The following NEGR1 variants were observed in gnomAD, a reference collection of about 807,000 sequenced individuals.
The protein encoded by NEGR1 is neuronal growth regulator 1.
In NEGR1, 10 loss-of-function variants were observed where a neutral mutation model predicts 40.9. The ratio of observed to expected loss-of-function variants is 0.24; its 90% CI spans 0.15 to 0.42. The LOEUF (loss-of-function observed/expected upper bound fraction) is 0.42. Ranked by LOEUF, NEGR1 falls within the 10% of genes least tolerant of loss-of-function variation. The pLI, the probability that NEGR1 is intolerant of heterozygous loss-of-function variation, is 1.00. For missense variants in NEGR1, 352 were observed against 438.9 expected, an observed-to-expected ratio of 0.80 and a Z score of 1.77; for synonymous variants, 185 against 166.8, an observed-to-expected ratio of 1.11 and a Z score of -0.84.
At chr1:71,481,777 CT>C (rs1176358167) in intron 6 of NEGR1, among the ~76,000 whole-genome samples, 1 of 151,744 alleles carries the variant, frequency 6.6e-6, no homozygotes, top group Non-Finnish European at 1.5e-5. Context: ...AAAATATGAA[CT>C]TTTAGTTTAG....
chr1:72,058,616 T>A (rs1482343703), intron 1 of NEGR1, among the ~76,000 whole-genome samples: 1 of 151,700 alleles, frequency 6.6e-6, no homozygotes, highest in Admixed American at 6.6e-5. Context: ...ATTATCTTGA[T>A]GAGCTAGGCA....
chr1:72,009,489 GT>G (rs201622280), intron 1 of NEGR1, among the ~76,000 whole-genome samples: 2 of 151,480 alleles, frequency 1.3e-5, no homozygotes, highest in South Asian at 2.1e-4. Context: ...AATGCAGAGG[GT>G]TTTTTTTATA....
At chr1:71,774,255 C>T (rs115015722) in intron 3 of NEGR1, among the ~76,000 whole-genome samples, 1 of 152,198 alleles carries the variant, frequency 6.6e-6, no homozygotes, top group African/African-American at 2.4e-5. Flanking sequence ...CTTAAGAGCA[C>T]ATGTGTATAA....
chr1:71,862,563 C>A (rs1557680734), intron 2 of NEGR1, among the ~76,000 whole-genome samples: 1 of 152,002 alleles, frequency 6.6e-6, no homozygotes, highest in African/African-American at 2.4e-5. Context: ...TGGTGGCTTT[C>A]CTCTCCATTC....
intron 1 of NEGR1, among the ~76,000 whole-genome samples, chr1:72,186,160 G>A (rs1652604872): frequency 6.6e-6 from 1 of 151,582 alleles, no homozygotes; most frequent in Non-Finnish European, 1.5e-5. Context: ...TATGTAACTT[G>A]GAAAATATCA....
At chr1:71,525,512 A>G (rs1248699908) in intron 6 of NEGR1, among the ~76,000 whole-genome samples, 1 of 151,720 alleles carries the variant, frequency 6.6e-6, no homozygotes, top group East Asian at 1.9e-4. Flanking sequence ...TCCTCCTCAC[A>G]TTAACTCACT....
intron 1 of NEGR1, among the ~76,000 whole-genome samples, chr1:72,177,631 A>T (rs943370428): frequency 6.6e-6 from 1 of 152,076 alleles, no homozygotes; most frequent in African/African-American, 2.4e-5. Context: ...ATAAAACATT[A>T]ATATTCTGAC....
chr1:71,928,926 G>C (rs898270308), intron 2 of NEGR1, among the ~76,000 whole-genome samples: 2 of 152,064 alleles, frequency 1.3e-5, no homozygotes, highest in African/African-American at 2.4e-5. Flanking sequence ...TAATGTAAAT[G>C]GGGTAAGTAA....
intron 4 of NEGR1, among the ~76,000 whole-genome samples, chr1:71,612,863 G>A (rs78467000): frequency 1.3e-5 from 2 of 152,210 alleles, no homozygotes; most frequent in South Asian, 2.1e-4. Context: ...TGGTGTGGCC[G>A]ACACAAAGAG....
At chr1:71,477,692 G>A (rs945116325) in intron 6 of NEGR1, among the ~76,000 whole-genome samples, 1 of 151,890 alleles carries the variant, frequency 6.6e-6, no homozygotes, top group African/African-American at 2.4e-5. Flanking sequence ...AGAAAGAGTG[G>A]GTTTGTAGAA....
rs144334399 is a variant in NEGR1 at position 72,276,341 on chromosome 1, C to A, written c.176+5978G>T. On this transcript the variant is annotated intron_variant, in intron 1 of 6. Coordinates refer to ENST00000357731, the MANE Select transcript of NEGR1 (RefSeq NM_173808.3). ...GATGTTACTCTATATAAAGAAAGAT[C>A]TTTAATTTTTATTAAATTCAATAGG... Among the ~76,000 whole-genome samples the A allele has an allele frequency of 2.6e-5, 4 of 152,090 alleles. No individual in the cohort carries two copies. In the East Asian group the frequency reaches 5.8e-4, roughly 22 times the overall value.
At position 71,915,564 on chromosome 1, in the gene NEGR1, T is replaced by C. The variant is rs187110559; in HGVS notation, c.409+19515A>G. On this transcript the variant is annotated intron_variant, in intron 2 of 6. Coordinates refer to ENST00000357731, the MANE Select transcript of NEGR1 (RefSeq NM_173808.3). Reference sequence around the variant, plus strand: ...TCTTAACACATTTCATTTCTTAATTTTGAAGGAAATTCTATAATGTGGGTT... The same window carrying C: ...TCTTAACACATTTCATTTCTTAATTCTGAAGGAAATTCTATAATGTGGGTT... Among the ~76,000 whole-genome samples the C allele has an allele frequency of 9.9e-5, 15 of 152,244 alleles. No individual in the cohort carries two copies. In the East Asian group the frequency reaches 2.9e-3, roughly 29 times the overall value.
intron 6 of NEGR1, among the ~76,000 whole-genome samples, chr1:71,571,623 C>A (rs1005403184): frequency 6.6e-6 from 1 of 151,962 alleles, no homozygotes; most frequent in Non-Finnish European, 1.5e-5. Context: ...AACCACGTCT[C>A]TACCAAAAAT....
At chr1:71,455,912 T>C (rs1423748717) in intron 6 of NEGR1, among the ~76,000 whole-genome samples, 1 of 152,252 alleles carries the variant, frequency 6.6e-6, no homozygotes, top group Non-Finnish European at 1.5e-5. Context: ...AGTGTATGTT[T>C]CACTGCAATA....
intron 2 of NEGR1, among the ~76,000 whole-genome samples, chr1:71,837,523 T>C (rs1431455502): frequency 6.6e-6 from 1 of 152,110 alleles, no homozygotes; most frequent in Non-Finnish European, 1.5e-5. Context: ...TTTTTTGTCT[T>C]ATCCAGAGCA....
At chr1:71,934,684 T>C (rs1256854343) in intron 2 of NEGR1, among the ~76,000 whole-genome samples, 3 of 152,138 alleles carry the variant, frequency 2.0e-5, no homozygotes, top group Non-Finnish European at 4.4e-5. Flanking sequence ...CAAAGGAAGA[T>C]ATGAGGTGAA....
At chr1:72,219,287 C>G (rs1046653354) in intron 1 of NEGR1, among the ~76,000 whole-genome samples, 8 of 151,866 alleles carry the variant, frequency 5.3e-5, no homozygotes, top group Non-Finnish European at 1.0e-4. Flanking sequence ...CAATAATAAA[C>G]AGTGATGGTA....
intron 1 of NEGR1, among the ~76,000 whole-genome samples, chr1:72,110,064 G>A (rs79405326): frequency 0.012 from 1,813 of 151,438 alleles, 41 homozygotes; most frequent in African/African-American, 0.042. Context: ...TGGCTGGGGA[G>A]ACATGAGGGA....
chr1:71,524,252 A>C (rs1314498928), intron 6 of NEGR1, among the ~76,000 whole-genome samples: 1 of 151,120 alleles, frequency 6.6e-6, no homozygotes, highest in African/African-American at 2.4e-5. Context: ...TTCTCTAACT[A>C]TCAGTGGGCC....
Sources: allele counts gnomAD v4.1 joint callset (sites outside exome capture counted in the v4.1 genomes callset), GRCh38; gene constraint gnomAD v4.1.1; transcripts MANE v1.5; gene names NCBI Gene and HGNC (gene_info 2026-07-23, HGNC 2026-07-21).